Variants in FAM13C observed in about 807,000 individuals in gnomAD.
FAM13C encodes the protein protein FAM13C.
A neutral mutation model predicts 73.2 loss-of-function variants in FAM13C; 37 were observed. That is an observed-to-expected ratio of 0.51 (90% CI 0.39 to 0.67). The LOEUF (loss-of-function observed/expected upper bound fraction) is 0.67, where lower values mean the gene tolerates loss of function less well. Ranked by LOEUF, FAM13C falls within the 30% of genes least tolerant of loss-of-function variation. The pLI is 0.00. For missense variants in FAM13C, 589 were observed against 715.6 expected (o/e 0.82, Z 2.02); for synonymous variants, 246 against 260.9 (o/e 0.94, Z 0.55).
chr10:59,318,030 A>G (rs772428412), intron 4 of FAM13C, among the ~76,000 whole-genome samples: 1 of 151,716 alleles, frequency 6.6e-6, no homozygotes, highest in African/African-American at 2.4e-5. Flanking sequence ...AAACAATAGC[A>G]ACAATATAAG....
intron 3 of FAM13C, 133 bp downstream of exon 3, chr10:59,352,137 G>C (rs1203283660): frequency 8.3e-6 from 8 of 958,470 alleles, no homozygotes; most frequent in Non-Finnish European, 1.2e-5. Flanking sequence ...GTCTCAGGTC[G>C]GCAGAGCACG....
intron 5 of FAM13C, among the ~76,000 whole-genome samples, chr10:59,295,736 G>A (rs1441597183): frequency 6.6e-6 from 1 of 152,078 alleles, no homozygotes; most frequent in Non-Finnish European, 1.5e-5. Flanking sequence ...ATATACACTG[G>A]AATTACTAAA....
chr10:59,337,279 A>G (rs997102444), intron 3 of FAM13C, among the ~76,000 whole-genome samples: 1 of 152,242 alleles, frequency 6.6e-6, no homozygotes, highest in South Asian at 2.1e-4. Context: ...CTGATCTTCT[A>G]TAGGGCTTGG....
chr10:59,291,311 C>A (rs905531772), intron 5 of FAM13C, among the ~76,000 whole-genome samples: 2 of 152,166 alleles, frequency 1.3e-5, no homozygotes, highest in Admixed American at 6.5e-5. Context: ...CAATGTCGAC[C>A]ATTACAAGAA....
intron 4 of FAM13C, among the ~76,000 whole-genome samples, chr10:59,308,896 T>C (rs1280501528): frequency 6.6e-6 from 1 of 152,172 alleles, no homozygotes; most frequent in Non-Finnish European, 1.5e-5. Context: ...GCAGGAGGTG[T>C]ACTGGAGTTC....
rs1847762462 is a variant in FAM13C at position 59,302,869 on chromosome 10, A to G, written c.444-5T>C. 6.2e-7 allele frequency: 1 copy of G among 1,611,814 alleles called. No individual in the cohort carries two copies. Among genetic ancestry groups the G allele is most frequent in the Non-Finnish European group, 8.5e-7 (1 of 1,179,312 alleles). On this transcript the variant is annotated splice_region_variant and splice_polypyrimidine_tract_variant and intron_variant, in intron 4 of 13. Coordinates refer to ENST00000618804, the MANE Select transcript of FAM13C (RefSeq NM_198215.4). Reference sequence around the variant, plus strand: ...ATGGCAGTCCTCTGGTCTATTCTATAAAATACAAAGAAAAATTATTTCCAT... The same window carrying G: ...ATGGCAGTCCTCTGGTCTATTCTATGAAATACAAAGAAAAATTATTTCCAT...
At chr10:59,265,374 A>G (rs942508421) in intron 8 of FAM13C, among the ~76,000 whole-genome samples, 65 of 124,058 alleles carry the variant, frequency 5.2e-4, no homozygotes, top group Non-Finnish European at 7.5e-4. Context: ...ACACGTGGCC[A>G]TCAATCCCCA....
At chr10:59,344,696 A>G (rs535334783) in intron 3 of FAM13C, among the ~76,000 whole-genome samples, 2 of 152,360 alleles carry the variant, frequency 1.3e-5, no homozygotes, top group Non-Finnish European at 2.9e-5. Flanking sequence ...AAAGATAGGA[A>G]AAATGACACA....
intron 4 of FAM13C, among the ~76,000 whole-genome samples, chr10:59,318,103 A>G (rs1480182537): frequency 6.6e-6 from 1 of 152,060 alleles, no homozygotes; most frequent in Non-Finnish European, 1.5e-5. Context: ...TCATTTTTAC[A>G]TCCTTGGGAT....
At chr10:59,291,715 A>G (rs1349106829) in intron 5 of FAM13C, among the ~76,000 whole-genome samples, 2 of 151,212 alleles carry the variant, frequency 1.3e-5, no homozygotes, top group Non-Finnish European at 2.9e-5. Flanking sequence ...TATCCTTGTT[A>G]TGTTCACTTT....
Position 59,268,592 on chromosome 10 carries a change from C to T in FAM13C, c.903G>A (p.Arg301=). The T allele has an allele frequency of 6.2e-7, 1 of 1,613,752 alleles. No homozygotes were observed. The highest frequency in any genetic ancestry group is 2.2e-5 in the East Asian group (1 of 44,832). The change falls in exon 8 of 14, where the codon CGG becomes CGA. Residue 301 remains arginine (R), a synonymous_variant. Transcript: ENST00000618804. ...KHIQSLKRKI[R]KFEEKFEQEK... is the part of the protein sequence containing the mutation. Reference sequence around the variant, plus strand: ...CTTGTTCAAATTTTTCTTCAAATTTCCGAATTTTCCGCTTGAGGCTCTGGA... The same window carrying T: ...CTTGTTCAAATTTTTCTTCAAATTTTCGAATTTTCCGCTTGAGGCTCTGGA...
chr10:59,250,345 A>G (rs1443278604), intron 13 of FAM13C, among the ~76,000 whole-genome samples: 2 of 152,252 alleles, frequency 1.3e-5, no homozygotes, highest in Non-Finnish European at 2.9e-5. Flanking sequence ...AATGCTTTAT[A>G]TTCTAAATTT....
chr10:59,291,972 T>C lies in FAM13C; in HGVS notation c.508-8525A>G, dbSNP rs112808452. On this transcript the variant is annotated intron_variant, in intron 5 of 13. Coordinates refer to ENST00000618804, the MANE Select transcript of FAM13C (RefSeq NM_198215.4). Reference sequence around the variant, plus strand: ...CCTGGCGAATTTTTTATATTTTTAGTAGAGGCAGGGTTTCACCATATTAGC... The same window carrying C: ...CCTGGCGAATTTTTTATATTTTTAGCAGAGGCAGGGTTTCACCATATTAGC... Among the ~76,000 whole-genome samples, 938 of 152,066 alleles carry C rather than the reference T, an allele frequency of 6.2e-3. 11 individuals are homozygous for C. Among genetic ancestry groups the C allele is most frequent in the African/African-American group, 0.022 (896 of 41,476 alleles).
intron 6 of FAM13C, among the ~76,000 whole-genome samples, chr10:59,273,685 G>C (rs1451779427): frequency 6.6e-6 from 1 of 152,084 alleles, no homozygotes; most frequent in Non-Finnish European, 1.5e-5. Flanking sequence ...GCTTGACATA[G>C]AGGATGCCAC....
chr10:59,259,303 G>A (rs773503259), intron 10 of FAM13C, among the ~76,000 whole-genome samples: 6 of 152,174 alleles, frequency 3.9e-5, no homozygotes, highest in Non-Finnish European at 5.9e-5. Flanking sequence ...CTCTAGAAAA[G>A]ACGTCATTCT....
intron 5 of FAM13C, among the ~76,000 whole-genome samples, chr10:59,297,979 C>T (rs979793277): frequency 7.9e-5 from 12 of 152,178 alleles, no homozygotes; most frequent in African/African-American, 2.9e-4. Context: ...GAAATCCCCG[C>T]CATTGGAGGT....
At chr10:59,360,958 A>G (rs11006451) in intron 1 of FAM13C, 87,430 of 1,210,790 alleles carry the variant, frequency 0.072, 4,028 homozygotes, top group African/African-American at 0.22. Flanking sequence ...TGGCCACACC[A>G]GGCTCCTGAG....
intron 4 of FAM13C, among the ~76,000 whole-genome samples, chr10:59,312,263 C>G (rs910620918): frequency 3.3e-5 from 5 of 152,154 alleles, no homozygotes; most frequent in African/African-American, 1.2e-4. Flanking sequence ...GCTCTTGGAA[C>G]ACAAGAATAT....
At chr10:59,279,496 G>A (rs886740864) in intron 6 of FAM13C, among the ~76,000 whole-genome samples, 3 of 152,136 alleles carry the variant, frequency 2.0e-5, no homozygotes, top group Non-Finnish European at 4.4e-5. Context: ...TACTGCTATG[G>A]AATTATTATT....
Sources: gnomAD v4.1 joint callset for allele counts (sites outside exome capture counted in the v4.1 genomes callset) on GRCh38, gnomAD v4.1.1 for gene constraint, MANE v1.5 for transcripts, NCBI Gene and HGNC (gene_info 2026-07-23, HGNC 2026-07-21) for gene names.